The following ATP10B variants were observed in gnomAD, a reference collection of about 807,000 sequenced individuals.
The protein encoded by ATP10B is phospholipid-transporting ATPase VB.
ATP10B carries 122 observed loss-of-function variants against 141.2 expected under a neutral mutation model. The observed-to-expected ratio is 0.86, with a 90% CI of 0.75 to 1.00. ATP10B has a LOEUF of 1.00. Among genes scored for constraint, ATP10B ranks in the 50% least tolerant of loss-of-function variants. The pLI, the probability that ATP10B is intolerant of heterozygous loss-of-function variation, is 0.00. For synonymous variants in ATP10B, 685 were observed against 692.0 expected, an observed-to-expected ratio of 0.99 and a Z score of 0.16; for missense variants, 1,876 against 1,825.3, an observed-to-expected ratio of 1.03 and a Z score of -0.51.
At chr5:160,638,308 T>C (rs988568469) in intron 10 of ATP10B, among the ~76,000 whole-genome samples, 1 of 152,166 alleles carries the variant, frequency 6.6e-6, no homozygotes, top group Non-Finnish European at 1.5e-5. Context: ...CCCTGTGCCT[T>C]ATCTTGTCCT....
At chr5:160,800,020 C>T (rs886491531) in intron 1 of ATP10B, among the ~76,000 whole-genome samples, 7 of 152,130 alleles carry the variant, frequency 4.6e-5, no homozygotes, top group African/African-American at 1.7e-4. Flanking sequence ...GGAAAATGGG[C>T]ACCATTGGAG....
intron 1 of ATP10B, among the ~76,000 whole-genome samples, chr5:160,810,776 A>G (rs1433187120): frequency 2.0e-5 from 3 of 152,192 alleles, no homozygotes; most frequent in Admixed American, 6.5e-5. Context: ...TGTAATTTTT[A>G]TCAGAGTTGT....
chr5:160,877,209 A>G, the ATP10B span, among the ~76,000 whole-genome samples: 313 of 152,028 alleles, frequency 2.1e-3, 1 homozygote, highest in African/African-American at 7.1e-3. Context: ...CTTCATCCCT[A>G]GGATGCAAGG....
At chr5:160,841,261 A>G (rs1179092632) in intron 1 of ATP10B, among the ~76,000 whole-genome samples, 1 of 152,178 alleles carries the variant, frequency 6.6e-6, no homozygotes, top group Non-Finnish European at 1.5e-5. Context: ...CTACGAACTG[A>G]TGTAGAATGA....
intron 3 of ATP10B, among the ~76,000 whole-genome samples, chr5:160,708,229 T>G (rs567272374): frequency 3.3e-5 from 5 of 152,140 alleles, no homozygotes; most frequent in African/African-American, 1.2e-4. Context: ...AAACTAGCAT[T>G]CTTTCTGAGG....
At chr5:160,644,097 T>C (rs762151633) in intron 9 of ATP10B, 41 bp downstream of exon 9, 1 of 1,546,384 alleles carries the variant, frequency 6.5e-7, no homozygotes, top group Non-Finnish European at 8.9e-7. Context: ...GGGGGAAGGA[T>C]AAAGGAAAAT....
chr5:160,867,354 T>G, the ATP10B span, among the ~76,000 whole-genome samples: 1 of 152,032 alleles, frequency 6.6e-6, no homozygotes, highest in East Asian at 1.9e-4. Flanking sequence ...AGAACTTACT[T>G]ACCTAGCTAT....
intron 14 of ATP10B, among the ~76,000 whole-genome samples, chr5:160,621,369 C>T (rs1030212897): frequency 2.0e-5 from 3 of 152,154 alleles, no homozygotes; most frequent in South Asian, 4.1e-4. Flanking sequence ...AGAGTTGGAA[C>T]TCAAACCCAG....
chr5:160,634,419 G>T lies in ATP10B; in HGVS notation c.1316C>A (p.Thr439Lys). ...YIFSDKTGTL[T>K]ENKMVFRRCT... ...ACGTCGGAACACCATCTTGTTCTCT[G>T]TCAGGGTCCCCGTCTTATCGGAGAA... The change falls in exon 12 of 26, where the codon ACA (threonine) becomes AAA (lysine). Residue 439 changes from threonine to lysine, a missense_variant. Coordinates refer to ENST00000327245, the MANE Select transcript of ATP10B (RefSeq NM_025153.3). 1 of 1,614,184 alleles carries T rather than the reference G, an allele frequency of 6.2e-7. No homozygotes were observed. The highest frequency in any genetic ancestry group is 8.5e-7 in the Non-Finnish European group (1 of 1,180,038).
chr5:160,879,756 T>C, the ATP10B span, among the ~76,000 whole-genome samples: 3 of 152,042 alleles, frequency 2.0e-5, no homozygotes, highest in East Asian at 5.8e-4. Context: ...GGGAATGGCG[T>C]GAACCCAGGA....
chr5:160,786,249 G>T (rs1274660712), intron 1 of ATP10B, among the ~76,000 whole-genome samples: 1 of 152,172 alleles, frequency 6.6e-6, no homozygotes, highest in Non-Finnish European at 1.5e-5. Context: ...ACCCAGAGCT[G>T]CTGGAAGCCA....
chr5:160,850,637 C>T (rs907630706), intron 1 of ATP10B, among the ~76,000 whole-genome samples: 3 of 152,152 alleles, frequency 2.0e-5, no homozygotes, highest in African/African-American at 7.2e-5. Context: ...ATCAGTATCA[C>T]ATGCTTCAAA....
intron 2 of ATP10B, among the ~76,000 whole-genome samples, chr5:160,773,588 A>T (rs1198750359): frequency 1.3e-5 from 2 of 152,186 alleles, no homozygotes; most frequent in Non-Finnish European, 2.9e-5. Flanking sequence ...ATAGCTGAAG[A>T]GTTATAGATT....
At chr5:160,652,701 T>C (rs1760846871) in intron 7 of ATP10B, among the ~76,000 whole-genome samples, 3 of 128,538 alleles carry the variant, frequency 2.3e-5, no homozygotes, top group South Asian at 4.6e-4. Context: ...ATAAATAATA[T>C]ATACATATAT....
At chr5:160,658,268 G>T (rs1414931018) in intron 7 of ATP10B, among the ~76,000 whole-genome samples, 2 of 152,200 alleles carry the variant, frequency 1.3e-5, no homozygotes, top group Non-Finnish European at 2.9e-5. Context: ...GTCCATGGGA[G>T]CACAGAGGAA....
At chr5:160,720,851 C>A (rs1765945682) in intron 2 of ATP10B, among the ~76,000 whole-genome samples, 1 of 152,204 alleles carries the variant, frequency 6.6e-6, no homozygotes, top group African/African-American at 2.4e-5. Flanking sequence ...AATTTGCATG[C>A]TGCTTACAAA....
At chr5:160,567,167 T>C (rs1437500361) in intron 25 of ATP10B, among the ~76,000 whole-genome samples, 1 of 152,118 alleles carries the variant, frequency 6.6e-6, no homozygotes, top group East Asian at 1.9e-4. Flanking sequence ...ATTCAACAAA[T>C]GCTTTTCAAT....
At chr5:160,667,879 G>A (rs1220433901) in intron 7 of ATP10B, among the ~76,000 whole-genome samples, 1 of 152,114 alleles carries the variant, frequency 6.6e-6, no homozygotes, top group Non-Finnish European at 1.5e-5. Flanking sequence ...TTGGGGTAGG[G>A]AGGCTAAAGG....
chr5:160,594,551 A>G (rs1300172189), intron 22 of ATP10B, among the ~76,000 whole-genome samples: 1 of 151,992 alleles, frequency 6.6e-6, no homozygotes, highest in African/African-American at 2.4e-5. Context: ...TTAACTTTAA[A>G]TGTAAATGGA....
Sources: gnomAD v4.1 joint callset for allele counts (sites outside exome capture counted in the v4.1 genomes callset) on GRCh38, gnomAD v4.1.1 for gene constraint, MANE v1.5 for transcripts, NCBI Gene and HGNC (gene_info 2026-07-23, HGNC 2026-07-21) for gene names.